Variants in DLGAP3 observed in about 807,000 individuals in gnomAD.
DLGAP3 encodes the protein disks large-associated protein 3.
DLGAP3 carries 17 observed loss-of-function variants against 81.2 expected under a neutral mutation model. The observed-to-expected ratio is 0.21, with a 90% CI of 0.14 to 0.31. The LOEUF is 0.31. Ranked by LOEUF, DLGAP3 falls within the 10% of genes least tolerant of loss-of-function variation. The pLI, the probability that DLGAP3 is intolerant of heterozygous loss-of-function variation, is 1.00. For missense variants in DLGAP3, 1,124 were observed against 1,388.0 expected (o/e 0.81, Z 3.02); for synonymous variants, 577 against 587.4 (o/e 0.98, Z 0.26).
chr1:34,877,927 A>G lies in DLGAP3; in HGVS notation c.2000+7051T>C, dbSNP rs1557461515. Among the ~76,000 whole-genome samples, 3 of 152,254 alleles carry G rather than the reference A, an allele frequency of 2.0e-5. 1 individual carries two copies. Among genetic ancestry groups the G allele is most frequent in the South Asian group, 4.1e-4 (2 of 4,834 alleles). ...TGTCAACTAGAAAATTTTTAAACAG[A>G]TGATAGAAATAAACTCAAGTCAGTA... On this transcript the variant is annotated intron_variant, in intron 8 of 11. Coordinates refer to ENST00000373347, the MANE Select transcript of DLGAP3 (RefSeq NM_001080418.3).
chr1:34,877,798 G>A (rs1164211715), intron 8 of DLGAP3, among the ~76,000 whole-genome samples: 1 of 152,188 alleles, frequency 6.6e-6, no homozygotes, highest in Admixed American at 6.5e-5. Flanking sequence ...CTACTAAAAT[G>A]TAAACTTCCA....
intron 8 of DLGAP3, among the ~76,000 whole-genome samples, chr1:34,872,705 T>C (rs1638998461): frequency 6.6e-6 from 1 of 152,178 alleles, no homozygotes; most frequent in Admixed American, 6.5e-5. Flanking sequence ...GAAAATGGAA[T>C]GACAGAATCA....
In DLGAP3 at chr1:34,900,139, C is replaced by G; in HGVS notation, c.1242G>C (p.Lys414Asn). 6.2e-7 allele frequency: 1 copy of G among 1,614,056 alleles called. No individual in the cohort carries two copies. The highest frequency in any genetic ancestry group is 8.5e-7 in the Non-Finnish European group (1 of 1,180,032). Residue 414 changes from lysine to asparagine, a missense_variant, in exon 4 of 12, where the codon AAG becomes AAC. Physicochemically the swap from Lys to Asn is moderately conservative, Grantham distance 94. Transcript: ENST00000373347. The surrounding 1 kb of genome is among the most constrained non-coding windows in gnomAD (Gnocchi z 5.6). ...GTCGGGCGACTGCTTTGGGAGATGT[C>G]TTGGGGCTGCCGTCTGAGTCTCCGC... is the stretch of plus-strand genomic sequence containing the variant. ...EESGDSDGSP[K>N]TSPKAVARRF...
At chr1:34,892,951 T>C (rs1310220804) in intron 5 of DLGAP3, among the ~76,000 whole-genome samples, 1 of 151,710 alleles carries the variant, frequency 6.6e-6, no homozygotes, top group East Asian at 1.9e-4. Context: ...GGTGGGTGGA[T>C]CATGAGGTCA....
chr1:34,918,378 C>A (rs76975909), intron 1 of DLGAP3, among the ~76,000 whole-genome samples: 3,383 of 152,292 alleles, frequency 0.022, 100 homozygotes, highest in African/African-American at 0.066. Flanking sequence ...GGGGTCTGCT[C>A]AATGCGGAGC....
At chr1:34,888,407 C>G (rs1332307087) in intron 5 of DLGAP3, among the ~76,000 whole-genome samples, 1 of 152,198 alleles carries the variant, frequency 6.6e-6, no homozygotes, top group Non-Finnish European at 1.5e-5. Context: ...CCATGTAAGG[C>G]TGACTGAGCA....
intron 1 of DLGAP3, among the ~76,000 whole-genome samples, chr1:34,923,278 C>G (rs1242891992): frequency 1.3e-5 from 2 of 152,118 alleles, no homozygotes; most frequent in African/African-American, 4.8e-5. Flanking sequence ...AGAAAACACC[C>G]CTTTTCTTCC....
chr1:34,867,294 C>T lies in DLGAP3; in HGVS notation c.2578-103G>A. ...CCACCCTTACTGCCAGGAAGCTCAG[C>T]CTGGGAGAGTGGGTGGGGGCTGGGA... On this transcript the variant is annotated intron_variant, in intron 10 of 11. Coordinates refer to ENST00000373347, the MANE Select transcript of DLGAP3 (RefSeq NM_001080418.3). This position sits in a 1 kb window ranked among gnomAD's most constrained non-coding sequence, Gnocchi z 4.3. 1 of 1,539,276 alleles carries T rather than the reference C, an allele frequency of 6.5e-7. No individual in the cohort carries two copies. The highest frequency in any genetic ancestry group is 1.7e-5 in the Admixed American group (1 of 57,780).
At chr1:34,870,701 C>A (rs962080168) in intron 8 of DLGAP3, among the ~76,000 whole-genome samples, 3 of 152,238 alleles carry the variant, frequency 2.0e-5, no homozygotes, top group African/African-American at 7.2e-5. Flanking sequence ...TTGCCTCCCA[C>A]ACAGTCTTCC....
Position 34,868,892 on chromosome 1 carries a change from G to A in DLGAP3, c.2198C>T (p.Thr733Met), listed in dbSNP as rs1217266034. 25 of 1,603,660 alleles carry A rather than the reference G, an allele frequency of 1.6e-5. No homozygotes were observed. The highest frequency in any genetic ancestry group is 2.2e-5 in the East Asian group (1 of 44,828). Reference sequence around the variant, plus strand: ...CTCGCGGTAGGCCCACTGGCCCTGCGTGTGGACCGTGCGGAAGACTGAGTA... The same window carrying A: ...CTCGCGGTAGGCCCACTGGCCCTGCATGTGGACCGTGCGGAAGACTGAGTA... Reference protein sequence around the residue: ...PTYSVFRTVHTQGQWAYREGY... With the variant: ...PTYSVFRTVHMQGQWAYREGY... Residue 733 changes from threonine (T) to methionine (M), a missense_variant, in exon 9 of 12, where the codon ACG becomes ATG. Physicochemically the swap from Thr to Met is moderately conservative, Grantham distance 81. This residue lies in a region of DLGAP3 where 379 missense variants were observed against 455.7 expected (regional missense o/e 0.83). Transcript: ENST00000373347. The surrounding 1 kb of genome is among the most constrained non-coding windows in gnomAD (Gnocchi z 7.5).
chr1:34,890,444 C>A (rs1337343430), intron 5 of DLGAP3, among the ~76,000 whole-genome samples: 1 of 152,188 alleles, frequency 6.6e-6, no homozygotes, highest in Non-Finnish European at 1.5e-5. Flanking sequence ...GAGTGTGGAC[C>A]AGACTTATTG....
At chr1:34,925,454 C>G (rs948221621) in intron 1 of DLGAP3, 6 of 152,172 alleles carry the variant, frequency 3.9e-5, no homozygotes, top group African/African-American at 1.5e-4. Context: ...TCTGAGCCCC[C>G]TTTCTGAAGG....
intron 5 of DLGAP3, among the ~76,000 whole-genome samples, chr1:34,889,054 C>G (rs1166378963): frequency 2.0e-5 from 3 of 152,202 alleles, no homozygotes; most frequent in Non-Finnish European, 4.4e-5. Flanking sequence ...GTATAAAGCA[C>G]TAGGCATAAT....
chr1:34,914,750 T>C (rs1198729450), intron 1 of DLGAP3, among the ~76,000 whole-genome samples: 1 of 152,222 alleles, frequency 6.6e-6, no homozygotes, highest in Non-Finnish European at 1.5e-5. Context: ...CTTAAATGCA[T>C]GAGACTTGGA....
chr1:34,915,662 G>T (rs1029167402), intron 1 of DLGAP3, among the ~76,000 whole-genome samples: 1 of 152,164 alleles, frequency 6.6e-6, no homozygotes, highest in South Asian at 2.1e-4. Flanking sequence ...AACCACGAAG[G>T]CTGGCTGGTT....
chr1:34,884,956 G>T, intron 8 of DLGAP3, 22 bp downstream of exon 8: 1 of 1,589,724 alleles, frequency 6.3e-7, no homozygotes, highest in South Asian at 1.1e-5. Context: ...GCGAAGCCTG[G>T]GCACTCCCAC....
chr1:34,911,032 C>CA (rs1553124108), intron 1 of DLGAP3, among the ~76,000 whole-genome samples: 2 of 145,174 alleles, frequency 1.4e-5, no homozygotes, highest in Non-Finnish European at 3.0e-5. Context: ...ACCCCCCCCC[C>CA]ACCACCTTCC....
intron 8 of DLGAP3, 84 bp downstream of exon 8, chr1:34,884,894 G>T: frequency 9.4e-7 from 1 of 1,061,546 alleles, no homozygotes; most frequent in South Asian, 1.3e-5. Flanking sequence ...GGATGTGCAG[G>T]GAGACTGGGC....
intron 1 of DLGAP3, among the ~76,000 whole-genome samples, chr1:34,910,136 G>A (rs1639617291): frequency 6.6e-6 from 1 of 152,224 alleles, no homozygotes. Flanking sequence ...GAACTGCAGA[G>A]ATGTCAGTTC....
Sources: gnomAD v4.1 joint callset for allele counts (sites outside exome capture counted in the v4.1 genomes callset) on GRCh38, gnomAD v4.1.1 for gene constraint, gnomAD v4.1.1 regional missense constraint, Gnocchi (gnomAD v3.1) non-coding constraint, MANE v1.5 for transcripts, NCBI Gene and HGNC (gene_info 2026-07-23, HGNC 2026-07-21) for gene names.